The following SYT9 variants were observed in gnomAD, a reference collection of about 807,000 sequenced individuals.
SYT9 encodes the protein synaptotagmin 9.
In SYT9, 22 loss-of-function variants were observed where a neutral mutation model predicts 48.4. The observed-to-expected ratio is 0.45, with a 90% CI of 0.32 to 0.65. The LOEUF is 0.65. Among genes scored for constraint, SYT9 ranks in the 30% least tolerant of loss-of-function variants. The pLI is 0.03. For synonymous variants in SYT9, 265 were observed against 245.0 expected, an observed-to-expected ratio of 1.08 and a Z score of -0.76; for missense variants, 577 against 622.0, an observed-to-expected ratio of 0.93 and a Z score of 0.77.
chr11:7,421,538 G>A (rs1182985217), intron 6 of SYT9, among the ~76,000 whole-genome samples: 1 of 152,202 alleles, frequency 6.6e-6, no homozygotes, highest in Non-Finnish European at 1.5e-5. Context: ...CAGAGAAGAG[G>A]AAAGTGAAAA....
At chr11:7,245,135 C>T (rs1269517139) in intron 1 of SYT9, among the ~76,000 whole-genome samples, 5 of 152,162 alleles carry the variant, frequency 3.3e-5, no homozygotes, top group Non-Finnish European at 5.9e-5. Context: ...TGGAGCCAGA[C>T]AAATTTGAAT....
At chr11:7,324,874 T>A (rs550926498) in intron 3 of SYT9, among the ~76,000 whole-genome samples, 33 of 152,114 alleles carry the variant, frequency 2.2e-4, no homozygotes, top group Non-Finnish European at 4.4e-4. Flanking sequence ...ACATCTTGAA[T>A]AATATTTTTC....
rs959276503 is a variant in SYT9 at position 7,399,988 on chromosome 11, T to A, written c.1045-16054T>A. On this transcript the variant is annotated intron_variant, in intron 3 of 6. Coordinates refer to ENST00000318881, the MANE Select transcript of SYT9 (RefSeq NM_175733.4). The stretch of plus-strand genomic sequence containing the variant: ...AGATTTTGTTATTTCTTGACAGCTG[T>A]TCTGCTCATCCTCCAGCTGAAATTT... Among the ~76,000 whole-genome samples, 3 of 152,236 alleles carry A rather than the reference T, an allele frequency of 2.0e-5. No individual in the cohort carries two copies. In the East Asian group the frequency reaches 5.8e-4, roughly 29 times the overall value.
At chr11:7,332,586 C>T (rs1480154706) in intron 3 of SYT9, among the ~76,000 whole-genome samples, 2 of 152,282 alleles carry the variant, frequency 1.3e-5, no homozygotes, top group East Asian at 1.9e-4. Flanking sequence ...ATCCTCTTCC[C>T]CTCACCTCCC....
In SYT9 at chr11:7,353,690, C is replaced by A. The variant is rs1047259289; in HGVS notation, c.1044+39749C>A. On this transcript the variant is annotated intron_variant, in intron 3 of 6. Transcript: ENST00000318881. ...CTAGCCAATCCTTCATTAGTTCGAT[C>A]CTCTGTTATAGTATTTATTTATATT... 2.3e-5 allele frequency among the ~76,000 whole-genome samples: 3 copies of A among 132,570 alleles called. No individual in the cohort carries two copies. In the Admixed American group the frequency reaches 2.4e-4, roughly 11 times the overall value. 87.0% of individuals were successfully genotyped at this position (132,570 alleles called of 152,430 possible).
chr11:7,370,161 A>G (rs971895141), intron 3 of SYT9, among the ~76,000 whole-genome samples: 21 of 152,004 alleles, frequency 1.4e-4, no homozygotes, highest in African/African-American at 5.1e-4. Context: ...TTGGCTTTCC[A>G]TTCCTGAGTT....
In SYT9 at chr11:7,280,663, A is replaced by G. The variant is rs138943894; in HGVS notation, c.146-22376A>G. Among the ~76,000 whole-genome samples the G allele has an allele frequency of 5.5e-3, 844 of 152,324 alleles. 11 individuals are homozygous for G. The highest frequency in any genetic ancestry group is 0.019 in the African/African-American group (804 of 41,562). On this transcript the variant is annotated intron_variant, in intron 1 of 6. Transcript: ENST00000318881. ...CAGCCTGGCTGTTTTCAAGCTACCA[A>G]TAAGATATTGCTGACCGTGGAGCTG...
upstream of SYT9, among the ~76,000 whole-genome samples, chr11:7,250,315 T>C (rs1847844244): frequency 6.6e-6 from 1 of 152,246 alleles, no homozygotes. Flanking sequence ...TCATCATCTC[T>C]TGCCTGGTTT....
In SYT9 at chr11:7,313,668, TC is replaced by T; in HGVS notation, c.773del (p.Pro258LeufsTer24). ...PAKDFSGTSD[P>X]YVKIYLLPDR... is the part of the protein sequence containing the mutation. ...CCAAGGACTTTTCTGGGACTTCAGA[TC>T]CTTATGTCAAGATCTATTTGCTTCC... On this transcript the variant is annotated frameshift_variant, in exon 3 of 7. Coordinates refer to ENST00000318881, the MANE Select transcript of SYT9 (RefSeq NM_175733.4). LOFTEE classifies it high-confidence loss of function. The T allele has an allele frequency of 6.2e-7, 1 of 1,614,198 alleles. No individual in the cohort carries two copies. Among genetic ancestry groups the T allele is most frequent in the Non-Finnish European group, 8.5e-7 (1 of 1,180,010 alleles).
intron 5 of SYT9, among the ~76,000 whole-genome samples, chr11:7,419,357 C>T (rs1260154809): frequency 6.6e-6 from 1 of 151,936 alleles, no homozygotes; most frequent in South Asian, 2.1e-4. Flanking sequence ...TTTTAATGGG[C>T]AGAGACTCAA....
chr11:7,251,099 G>GACAC (rs369736479), upstream of SYT9, among the ~76,000 whole-genome samples: 6,903 of 131,918 alleles, frequency 0.052, 226 homozygotes, highest in African/African-American at 0.095. Context: ...GTGGCACAGT[G>GACAC]ACACACACAC....
In SYT9 at chr11:7,347,417, T is replaced by G. The variant is rs535783089; in HGVS notation, c.1044+33476T>G. ...CGGCTAATTTTTTTTGTATTTTTAGTGGAGACGGGGTTCTACCATGTTGGC... is the reference window on the plus strand; with the variant it reads ...CGGCTAATTTTTTTTGTATTTTTAGGGGAGACGGGGTTCTACCATGTTGGC... On this transcript the variant is annotated intron_variant, in intron 3 of 6. Coordinates refer to ENST00000318881, the MANE Select transcript of SYT9 (RefSeq NM_175733.4). 3.7e-3 allele frequency among the ~76,000 whole-genome samples: 568 copies of G among 152,192 alleles called. 3 individuals are homozygous for G. The highest frequency in any genetic ancestry group is 0.013 in the African/African-American group (541 of 41,514).
intron 3 of SYT9, among the ~76,000 whole-genome samples, chr11:7,376,271 C>T (rs1850450978): frequency 6.6e-6 from 1 of 151,394 alleles, no homozygotes; most frequent in African/African-American, 2.4e-5. Context: ...CTCTCTCTCC[C>T]TCTTCTCTTT....
intron 3 of SYT9, among the ~76,000 whole-genome samples, chr11:7,316,512 T>C (rs542658738): frequency 6.6e-6 from 1 of 152,334 alleles, no homozygotes; most frequent in East Asian, 1.9e-4. Context: ...TATTCCATTG[T>C]ATTAATATTA....
At chr11:7,405,153 TTCCAGAAAACTTTTAG>T (rs1846981448) in intron 3 of SYT9, among the ~76,000 whole-genome samples, 3 of 151,904 alleles carry the variant, frequency 2.0e-5, no homozygotes, top group Non-Finnish European at 4.4e-5. Flanking sequence ...TTTATTATCA[TTCCAGAAAACTTTTAG>T]TAAGAATCTA....
intron 1 of SYT9, among the ~76,000 whole-genome samples, chr11:7,260,126 G>A (rs12286165): frequency 0.014 from 2,101 of 152,132 alleles, 57 homozygotes; most frequent in African/African-American, 0.049. Context: ...GGCCCCTTAA[G>A]TGCTATGTAC....
At chr11:7,313,326 G>A in intron 2 of SYT9, 69 bp from the exon 3 acceptor site, 1 of 1,495,310 alleles carries the variant, frequency 6.7e-7, no homozygotes, top group South Asian at 1.4e-5. Context: ...CTACATCCCA[G>A]GCAAAAGTTT....
intron 1 of SYT9, among the ~76,000 whole-genome samples, chr11:7,276,184 A>G (rs1406043989): frequency 6.6e-6 from 1 of 152,014 alleles, no homozygotes; most frequent in Non-Finnish European, 1.5e-5. Flanking sequence ...TTTTACCATC[A>G]CCACATCCTC....
At chr11:7,273,905 TG>T (rs2133890926) in intron 1 of SYT9, among the ~76,000 whole-genome samples, 1 of 150,422 alleles carries the variant, frequency 6.6e-6, no homozygotes, top group East Asian at 2.0e-4. Flanking sequence ...TGTCAGGGGG[TG>T]GGGGACAAGG....
Sources: allele counts gnomAD v4.1 joint callset (sites outside exome capture counted in the v4.1 genomes callset), GRCh38; gene constraint gnomAD v4.1.1; transcripts MANE v1.5; gene names NCBI Gene and HGNC (gene_info 2026-07-23, HGNC 2026-07-21).